Variants in ELK3 observed in about 807,000 individuals in gnomAD.
The protein encoded by ELK3 is ETS transcription factor ELK3.
A neutral mutation model predicts 28.9 loss-of-function variants in ELK3; 10 were observed. That is an observed-to-expected ratio of 0.35 (90% confidence interval 0.21 to 0.59). The LOEUF is 0.59. Ranked by LOEUF, ELK3 falls within the 20% of genes least tolerant of loss-of-function variation. The pLI, the probability that ELK3 is intolerant of heterozygous loss-of-function variation, is 0.82. For missense variants in ELK3, 463 were observed against 517.3 expected, an observed-to-expected ratio of 0.90 and a Z score of 1.02; for synonymous variants, 272 against 243.5, an observed-to-expected ratio of 1.12 and a Z score of -1.09.
chr12:96,206,289 C>CT (rs2137002261), intron 1 of ELK3, among the ~76,000 whole-genome samples: 1 of 152,072 alleles, frequency 6.6e-6, no homozygotes, highest in Non-Finnish European at 1.5e-5. Flanking sequence ...TTTTCTTTTT[C>CT]TTTCTCTTCT....
At chr12:96,259,973 A>T in intron 4 of ELK3, 120 bp downstream of exon 4, 1 of 1,358,846 alleles carries the variant, frequency 7.4e-7, no homozygotes, top group Non-Finnish European at 9.7e-7. Context: ...AAATGTCCAG[A>T]GGGGGTTCAT....
chr12:96,259,963 A>G (rs1472656023), intron 4 of ELK3, 110 bp downstream of exon 4: 20 of 1,406,744 alleles, frequency 1.4e-5, no homozygotes, highest in Non-Finnish European at 1.8e-5. Flanking sequence ...TTGAAATATT[A>G]AATGTCCAGA....
In ELK3 at chr12:96,260,544, A is replaced by T. The variant is rs572843899; in HGVS notation, c.1125+691A>T. 9.9e-3 allele frequency among the ~76,000 whole-genome samples: 1,514 copies of T among 152,168 alleles called. 41 individuals are homozygous for T. The highest frequency in any genetic ancestry group is 0.061 in the Admixed American group (924 of 15,266). On this transcript the variant is annotated intron_variant, in intron 4 of 4. Coordinates refer to ENST00000228741, the MANE Select transcript of ELK3 (RefSeq NM_005230.4). ...AGACTTAGCTGCTTTATCTTATAGA[A>T]CTCTCCATACTAGGCGAGCACCTTC...
At chr12:96,241,464 A>G (rs994344074) in intron 2 of ELK3, among the ~76,000 whole-genome samples, 4 of 147,304 alleles carry the variant, frequency 2.7e-5, no homozygotes, top group African/African-American at 7.6e-5. Flanking sequence ...GTGTGTACAT[A>G]TGTAAACACA....
chr12:96,256,891 C>G (rs1951953857), intron 3 of ELK3, among the ~76,000 whole-genome samples: 1 of 152,060 alleles, frequency 6.6e-6, no homozygotes, highest in South Asian at 2.1e-4. Flanking sequence ...CTGGCGAGCT[C>G]AGATGTGCAG....
chr12:96,259,947 G>A, intron 4 of ELK3, 94 bp downstream of exon 4: 1 of 1,442,132 alleles, frequency 6.9e-7, no homozygotes, highest in East Asian at 2.4e-5. Flanking sequence ...TTTGCCATAT[G>A]TTGAGTTGAA....
intron 1 of ELK3, among the ~76,000 whole-genome samples, chr12:96,212,033 G>A (rs1275987253): frequency 2.6e-5 from 4 of 152,146 alleles, no homozygotes; most frequent in African/African-American, 4.8e-5. Flanking sequence ...TTTCTTGGGC[G>A]ATAAGAACCT....
intron 2 of ELK3, among the ~76,000 whole-genome samples, chr12:96,244,893 C>G (rs1951845736): frequency 1.3e-5 from 2 of 152,108 alleles, no homozygotes. Context: ...TGGAAAACAT[C>G]TGAGTTTCCC....
chr12:96,223,476 G>A, intron 1 of ELK3, 89 bp from the exon 2 acceptor site: 1 of 1,259,172 alleles, frequency 7.9e-7, no homozygotes, highest in Non-Finnish European at 1.2e-6. Context: ...GGGGACAGCT[G>A]AGTTGCCCAT....
chr12:96,213,305 A>AT (rs1951589393), intron 1 of ELK3, among the ~76,000 whole-genome samples: 1 of 152,194 alleles, frequency 6.6e-6, no homozygotes, highest in African/African-American at 2.4e-5. Flanking sequence ...CTTCTTCTCT[A>AT]AGCCCAGAAA....
At chr12:96,257,898 C>A (rs539147119) in intron 3 of ELK3, among the ~76,000 whole-genome samples, 2 of 152,216 alleles carry the variant, frequency 1.3e-5, no homozygotes, top group Non-Finnish European at 2.9e-5. Flanking sequence ...TGTATACTTT[C>A]AATTAATTAC....
At chr12:96,211,525 G>A (rs370426609) in intron 1 of ELK3, among the ~76,000 whole-genome samples, 3 of 150,848 alleles carry the variant, frequency 2.0e-5, no homozygotes, top group South Asian at 4.2e-4. Context: ...GTGTGTGTGT[G>A]TATCAGTTTT....
intron 2 of ELK3, among the ~76,000 whole-genome samples, chr12:96,235,231 G>A (rs1395404752): frequency 1.5e-5 from 2 of 130,000 alleles, no homozygotes; most frequent in East Asian, 2.2e-4. Context: ...ATCTTCTCAG[G>A]CCCCCTCCTT....
intron 2 of ELK3, among the ~76,000 whole-genome samples, chr12:96,226,816 G>C (rs887536864): frequency 2.6e-5 from 4 of 152,028 alleles, no homozygotes; most frequent in Non-Finnish European, 2.9e-5. Flanking sequence ...GAAGGAGAGG[G>C]GGAGGAAGAT....
At chr12:96,214,246 C>T (rs1413600073) in intron 1 of ELK3, among the ~76,000 whole-genome samples, 1 of 152,040 alleles carries the variant, frequency 6.6e-6, no homozygotes, top group Non-Finnish European at 1.5e-5. Flanking sequence ...CCCTGGCGAA[C>T]ATGCTGAAAC....
In ELK3 at chr12:96,223,494, C is replaced by G. The variant is rs1383884491; in HGVS notation, c.-2-71C>G. 3 of 1,484,426 alleles carry G rather than the reference C, an allele frequency of 2.0e-6. No homozygotes were observed. The African/African-American group carries it at 4.2e-5, about 21-fold the overall frequency. 92.0% of individuals were successfully genotyped at this position (1,484,426 alleles called of 1,614,324 possible). A position where few individuals can be genotyped will look rare whatever the true frequency, so the allele number is the denominator to read the frequency against. On this transcript the variant is annotated intron_variant, in intron 1 of 4. Transcript: ENST00000228741. ...GACAGCTGAGTTGCCCATTCTGAAG[C>G]CCCCTCTCTCCTCGCCAAGTTTGGT...
At chr12:96,233,946 C>T (rs960180555) in intron 2 of ELK3, among the ~76,000 whole-genome samples, 22 of 152,230 alleles carry the variant, frequency 1.4e-4, no homozygotes, top group African/African-American at 5.3e-4. Flanking sequence ...TGGTTGGAAG[C>T]ATAACAGATG....
At chr12:96,236,740 G>T (rs1437314229) in intron 2 of ELK3, among the ~76,000 whole-genome samples, 8 of 152,204 alleles carry the variant, frequency 5.3e-5, no homozygotes, top group Admixed American at 5.2e-4. Flanking sequence ...GCTGAACAGA[G>T]ACAATTTTAA....
Position 96,252,916 on chromosome 12 carries a change from A to AG in ELK3, c.1002+5182_1002+5183insG, listed in dbSNP as rs541854424. 2.3e-3 allele frequency among the ~76,000 whole-genome samples: 343 copies of AG among 152,376 alleles called. 1 individual carries two copies. Among genetic ancestry groups the AG allele is most frequent in the Admixed American group, 5.9e-3 (90 of 15,306 alleles). ...TTTTGAAAGAAGTTCTACTCTGGGT[A>AG]AAATGCTATCAAACAGCATCACATG... On this transcript the variant is annotated intron_variant, in intron 3 of 4. Transcript: ENST00000228741.
Sources: allele counts gnomAD v4.1 joint callset (sites outside exome capture counted in the v4.1 genomes callset), GRCh38; gene constraint gnomAD v4.1.1; transcripts MANE v1.5; gene names NCBI Gene and HGNC (gene_info 2026-07-23, HGNC 2026-07-21).